The following PCDHA4 variants were observed in gnomAD, a reference collection of about 807,000 sequenced individuals.
The protein encoded by PCDHA4 is protocadherin alpha 4.
In PCDHA4, 49 loss-of-function variants were observed where a neutral mutation model predicts 61.4. That is an observed-to-expected ratio of 0.80 (90% CI 0.63 to 1.01). The LOEUF (loss-of-function observed/expected upper bound fraction) is 1.01. PCDHA4 is among the 50% of genes least tolerant of loss of function. The pLI, the probability that PCDHA4 is intolerant of heterozygous loss-of-function variation, is 0.00. For missense variants in PCDHA4, 1,254 were observed against 1,235.8 expected, an observed-to-expected ratio of 1.01 and a Z score of -0.22; for synonymous variants, 590 against 550.3, an observed-to-expected ratio of 1.07 and a Z score of -1.01.
chr5:140,881,465 G>A, intron 1 of PCDHA4: 1 of 597,254 alleles, frequency 1.7e-6, no homozygotes, highest in Non-Finnish European at 2.1e-6. Flanking sequence ...TTAGAGCATT[G>A]TTGTGGCTAA....
intron 1 of PCDHA4, chr5:140,882,225 C>A (rs782533520): frequency 1.5e-5 from 23 of 1,559,462 alleles, no homozygotes; most frequent in Non-Finnish European, 1.8e-5. Flanking sequence ...TGAGGTAAGG[C>A]GTTGTATATA....
At chr5:140,874,041 G>C (rs1385679236) in intron 1 of PCDHA4, among the ~76,000 whole-genome samples, 1 of 152,212 alleles carries the variant, frequency 6.6e-6, no homozygotes, top group African/African-American at 2.4e-5. Flanking sequence ...GAAACTTGGT[G>C]ATGATATTAG....
chr5:140,995,954 A>G (rs2097705768), intron 3 of PCDHA4, among the ~76,000 whole-genome samples: 1 of 152,226 alleles, frequency 6.6e-6, no homozygotes, highest in South Asian at 2.1e-4. Context: ...TGCACGCAAA[A>G]TGCTTAGAAC....
At chr5:140,959,407 G>A (rs1449444307) in intron 1 of PCDHA4, among the ~76,000 whole-genome samples, 3 of 152,052 alleles carry the variant, frequency 2.0e-5, no homozygotes, top group African/African-American at 7.2e-5. Flanking sequence ...ATAAAGTGTT[G>A]ATTGATCTGA....
At chr5:140,968,539 C>T (rs781815829) in intron 1 of PCDHA4, 30 of 1,614,078 alleles carry the variant, frequency 1.9e-5, no homozygotes, top group East Asian at 6.7e-5. Context: ...CAGCAGCCTT[C>T]GAGATGGTGC....
intron 1 of PCDHA4, chr5:140,928,062 C>G: frequency 6.2e-7 from 1 of 1,614,194 alleles, no homozygotes; most frequent in Non-Finnish European, 8.5e-7. Context: ...TGACGGCTTC[C>G]TTTGACAACT....
chr5:140,834,339 C>T, intron 1 of PCDHA4: 1 of 1,501,080 alleles, frequency 6.7e-7, no homozygotes, highest in Non-Finnish European at 9.0e-7. Context: ...CCTATAAATT[C>T]GAAGGCAAGT....
Position 140,969,468 on chromosome 5 carries a change from A to G in PCDHA4, c.2386-9481A>G, listed in dbSNP as rs1554231867. 18 of 1,486,304 alleles carry G rather than the reference A, an allele frequency of 1.2e-5. No individual in the cohort carries two copies. In the South Asian group the frequency reaches 2.5e-4, roughly 21 times the overall value. 92.1% of individuals were successfully genotyped at this position (1,486,304 alleles called of 1,614,324 possible). The stretch of plus-strand genomic sequence containing the variant: ...AAACTGAGTATATATAGTATCCACA[A>G]TTTGATCATAATCTGCTATTTCCTC... On this transcript the variant is annotated intron_variant, in intron 1 of 3. Transcript: ENST00000530339.
At chr5:140,935,894 C>CT (rs55841305) in intron 1 of PCDHA4, among the ~76,000 whole-genome samples, 11,084 of 136,696 alleles carry the variant, frequency 0.081, 520 homozygotes, top group Middle Eastern at 0.14. Context: ...TCAATATTAT[C>CT]TTTTTTTTTT....
At position 140,943,102 on chromosome 5, in the gene PCDHA4, A is replaced by G. The variant is rs142380810; in HGVS notation, c.2386-35847A>G. 2.6e-3 allele frequency among the ~76,000 whole-genome samples: 391 copies of G among 151,972 alleles called. 4 individuals are homozygous for G. In the East Asian group the frequency reaches 0.045, roughly 17 times the overall value. ...TGAAATCCTGCCTCTACTAAAAAAT[A>G]CAAAAATTAGCCAGGTGTGGTAGTG... On this transcript the variant is annotated intron_variant, in intron 1 of 3. Transcript: ENST00000530339.
intron 1 of PCDHA4, chr5:140,864,363 C>G (rs1389030549): frequency 6.6e-6 from 1 of 152,156 alleles, no homozygotes; most frequent in Non-Finnish European, 1.5e-5. Flanking sequence ...GTTTATCTTT[C>G]TATAATCGAT....
chr5:140,939,028 C>T (rs1231920381), intron 1 of PCDHA4, among the ~76,000 whole-genome samples: 6 of 152,098 alleles, frequency 3.9e-5, no homozygotes, highest in East Asian at 1.9e-4. Context: ...TTTACTTATT[C>T]GGAAGAGTTG....
In PCDHA4 at chr5:141,011,833, C is replaced by T. The variant is rs1223674434; in HGVS notation, c.*1896C>T. 6.5e-6 allele frequency: 1 copy of T among 153,366 alleles called. No individual in the cohort carries two copies. Among genetic ancestry groups the T allele is most frequent in the Non-Finnish European group, 1.5e-5 (1 of 67,994 alleles). 9.5% of individuals were successfully genotyped at this position (153,366 alleles called of 1,614,324 possible). On this transcript the variant is annotated 3_prime_UTR_variant, in exon 4 of 4. Transcript: ENST00000530339. ...TAGAAAGTAACAAAATTTGCTGTCA[C>T]CTTAAATAAGACATTTTAATTTTGT...
intron 1 of PCDHA4, chr5:140,868,166 T>G (rs1427031961): frequency 1.3e-5 from 2 of 152,120 alleles, no homozygotes; most frequent in Non-Finnish European, 2.9e-5. Flanking sequence ...AGTGCTAAAT[T>G]TTGATATCTC....
intron 1 of PCDHA4, chr5:140,834,106 C>T (rs1156396918): frequency 1.8e-5 from 7 of 396,312 alleles, no homozygotes; most frequent in Non-Finnish European, 3.1e-5. Flanking sequence ...GAAAAAAATT[C>T]AGAGTTTGAA....
intron 1 of PCDHA4, among the ~76,000 whole-genome samples, chr5:140,894,883 A>ACC (rs1407725642): frequency 6.6e-6 from 1 of 152,200 alleles, no homozygotes; most frequent in African/African-American, 2.4e-5. Flanking sequence ...TTTAGAAGAA[A>ACC]CAGACCAGGA....
chr5:140,902,953 C>G (rs549407032), intron 1 of PCDHA4, among the ~76,000 whole-genome samples: 1 of 152,162 alleles, frequency 6.6e-6, no homozygotes, highest in East Asian at 1.9e-4. Context: ...TCTTTATCCA[C>G]TTGTTGGCTG....
rs2150359087 is a variant in PCDHA4, at chr5:140,843,393, C to A, written c.2385+33821C>A. 46 of 1,596,052 alleles carry A rather than the reference C, an allele frequency of 2.9e-5. 2 individuals are homozygous for A. The highest frequency in any genetic ancestry group is 4.4e-5 in the South Asian group (4 of 90,510). ...TCGGCTGGCGTTTTGGGTCCGGAAG[C>A]GGCGCTGGTGGATGTCAACGTGTAC... On this transcript the variant is annotated intron_variant, in intron 1 of 3. Transcript: ENST00000530339.
intron 1 of PCDHA4, chr5:140,871,196 AC>A (rs782394304): frequency 1.7e-5 from 28 of 1,613,546 alleles, no homozygotes; most frequent in Non-Finnish European, 2.2e-5. Context: ...GTCAACGTGT[AC>A]CTGATCATCG....
Sources: allele counts gnomAD v4.1 joint callset (sites outside exome capture counted in the v4.1 genomes callset), GRCh38; gene constraint gnomAD v4.1.1; transcripts MANE v1.5; gene names NCBI Gene and HGNC (gene_info 2026-07-23, HGNC 2026-07-21).